The following NOP9 variants were observed in gnomAD, a reference collection of about 807,000 sequenced individuals.
NOP9 encodes the protein nucleolar protein 9.
NOP9 carries 50 observed loss-of-function variants against 63.0 expected under a neutral mutation model. The observed-to-expected ratio is 0.79, with a 90% CI of 0.63 to 1.00. The LOEUF is 1.00. Ranked by LOEUF, NOP9 falls within the 50% of genes least tolerant of loss-of-function variation. The pLI is 0.00. For missense variants in NOP9, 758 were observed against 803.0 expected, an observed-to-expected ratio of 0.94 and a Z score of 0.68; for synonymous variants, 343 against 332.8, an observed-to-expected ratio of 1.03 and a Z score of -0.33.
At chr14:24,297,254 C>G (rs1411207712), upstream of NOP9, among the ~76,000 whole-genome samples, 1 of 152,188 alleles carries the variant, frequency 6.6e-6, no homozygotes, top group Non-Finnish European at 1.5e-5. Context: ...ATCTCTCATG[C>G]CCTTAGCTCC....
chr14:24,296,410 G>A (rs1007572396), upstream of NOP9: 11 of 1,147,096 alleles, frequency 9.6e-6, no homozygotes, highest in African/African-American at 1.4e-4. Context: ...AGAGATGGGG[G>A]AGGCCGGAGG....
intron 2 of NOP9, among the ~76,000 whole-genome samples, chr14:24,301,285 C>A (rs941901216): frequency 1.3e-5 from 2 of 152,062 alleles, no homozygotes; most frequent in African/African-American, 4.8e-5. Context: ...AACTTGATTT[C>A]ATGGTACAGT....
Position 24,307,276 on chromosome 14 carries a change from G to A in NOP9, c.*2181G>A, listed in dbSNP as rs2041540643. ...CCCTCAGAGGGAGGGGCAGCTGTGT[G>A]ACTTCAGCCCTCTGCTCCATCATCA... On this transcript the variant is annotated 3_prime_UTR_variant, in exon 10 of 10. Transcript: ENST00000267425. 7.4e-7 allele frequency: 1 copy of A among 1,355,058 alleles called. No homozygotes were observed. Among genetic ancestry groups the A allele is most frequent in the South Asian group, 1.4e-5 (1 of 73,358 alleles). The allele number at this position is 1,355,058 out of a possible 1,614,324, so 83.9% of individuals were successfully genotyped here.
the NOP9 span, among the ~76,000 whole-genome samples, chr14:24,285,144 C>T: frequency 6.6e-6 from 1 of 152,202 alleles, no homozygotes; most frequent in East Asian, 1.9e-4. Context: ...TACCTCACAA[C>T]CCTTGGGCAG....
rs1236867398 is a variant in NOP9, at chr14:24,300,744, T to C, written c.584T>C (p.Leu195Pro). Residue 195 changes from leucine to proline, a missense_variant, in exon 2 of 10, where the codon CTT becomes CCT. Transcript: ENST00000267425. ...GCCGCTGAGGTGTGTGATGATTTTC[T>C]TGTCTACTGTGGAGACACACATGGC... The part of the protein sequence containing the change: ...GLAAEVCDDF[L>P]VYCGDTHGSF... 3.1e-6 allele frequency: 5 copies of C among 1,614,080 alleles called. No individual in the cohort carries two copies. The African/African-American group carries it at 5.3e-5, about 17-fold the overall frequency.
At chr14:24,299,178 G>T, upstream of NOP9, 2 of 1,516,470 alleles carry the variant, frequency 1.3e-6, no homozygotes, top group Non-Finnish European at 1.8e-6. Flanking sequence ...GACTGTGTGT[G>T]TGTTGGGGCG....
At chr14:24,304,424 T>G (rs899896304) in intron 8 of NOP9, 69 bp from the exon 9 acceptor site, 1 of 1,428,780 alleles carries the variant, frequency 7.0e-7, no homozygotes, top group African/African-American at 1.4e-5. Flanking sequence ...GAAAATTCAC[T>G]CTCCACAAGC....
At position 24,308,430 on chromosome 14, in the gene NOP9, G is replaced by A. The variant is rs998771951; in HGVS notation, c.*3335G>A. On this transcript the variant is annotated 3_prime_UTR_variant, in exon 10 of 10. Coordinates refer to ENST00000267425, the MANE Select transcript of NOP9 (RefSeq NM_174913.3). ...AGGAGAGGATGGATCCTGATACATGGATTCAGGATCATTAGGGTCCTGTCT... is the reference window on the plus strand; with the variant it reads ...AGGAGAGGATGGATCCTGATACATGAATTCAGGATCATTAGGGTCCTGTCT... The A allele has an allele frequency of 1.2e-5, 2 of 160,354 alleles. No individual in the cohort carries two copies. Among genetic ancestry groups the A allele is most frequent in the Non-Finnish European group, 1.4e-5 (1 of 72,030 alleles). 9.9% of individuals were successfully genotyped at this position (160,354 alleles called of 1,614,324 possible).
chr14:24,292,422 C>A, the NOP9 span: 1 of 1,555,612 alleles, frequency 6.4e-7, no homozygotes, highest in Non-Finnish European at 8.7e-7. Flanking sequence ...GCTCCACCCA[C>A]CCTGTCCTTC....
the NOP9 span, chr14:24,291,353 T>C: frequency 1.7e-6 from 2 of 1,144,638 alleles, no homozygotes; most frequent in Non-Finnish European, 2.6e-6. Context: ...TCTTGGGCCT[T>C]GGACTTTTTC....
At chr14:24,301,752 T>G in intron 3 of NOP9, 30 bp downstream of exon 3, 1 of 1,609,264 alleles carries the variant, frequency 6.2e-7, no homozygotes, top group Non-Finnish European at 8.5e-7. Flanking sequence ...GATGGTCTCG[T>G]ATCTACTTGT....
upstream of NOP9, among the ~76,000 whole-genome samples, chr14:24,298,461 G>A (rs770283049): frequency 6.6e-6 from 1 of 152,190 alleles, no homozygotes; most frequent in Non-Finnish European, 1.5e-5. Flanking sequence ...TTTAACTGAA[G>A]TCTAGTAAAT....
At chr14:24,299,733 A>G (rs2041329943), upstream of NOP9, 2 of 514,796 alleles carry the variant, frequency 3.9e-6, no homozygotes, top group Non-Finnish European at 6.8e-6. Flanking sequence ...GTAGAGGGGC[A>G]GAGTCCCAGG....
At chr14:24,304,355 C>T in intron 8 of NOP9, 78 bp downstream of exon 8, 1 of 1,375,904 alleles carries the variant, frequency 7.3e-7, no homozygotes. Flanking sequence ...ACTGTACCTT[C>T]AGACTCAAAA....
chr14:24,307,048 T>C lies in NOP9; in HGVS notation c.*1953T>C, dbSNP rs2041533026. ...TGAGGTTTTGGTAGGTTGAACAACT[T>C]CCCAAGGTTTGACAGGCAGGAAGTG... On this transcript the variant is annotated 3_prime_UTR_variant, in exon 10 of 10. Coordinates refer to ENST00000267425, the MANE Select transcript of NOP9 (RefSeq NM_174913.3). 2 of 288,696 alleles carry C rather than the reference T, an allele frequency of 6.9e-6. No homozygotes were observed. Among genetic ancestry groups the C allele is most frequent in the Admixed American group, 4.7e-5 (1 of 21,352 alleles). 17.9% of individuals were successfully genotyped at this position (288,696 alleles called of 1,614,324 possible).
chr14:24,280,030 C>T, the NOP9 span, among the ~76,000 whole-genome samples: 10 of 152,106 alleles, frequency 6.6e-5, no homozygotes, highest in African/African-American at 2.4e-4. Flanking sequence ...ACTCAGGCCT[C>T]GCCCTTTCCC....
the NOP9 span, among the ~76,000 whole-genome samples, chr14:24,279,761 A>G: frequency 3.3e-5 from 5 of 152,230 alleles, no homozygotes; most frequent in Admixed American, 6.5e-5. Flanking sequence ...GAATGTAGCC[A>G]AGAAGCTCAC....
At chr14:24,303,596 G>GGC in intron 6 of NOP9, 136 bp from the exon 7 acceptor site, 8 of 843,658 alleles carry the variant, frequency 9.5e-6, no homozygotes, top group Non-Finnish European at 1.6e-5. Context: ...GATACAGCAA[G>GGC]GCATGACATC....
the NOP9 span, among the ~76,000 whole-genome samples, chr14:24,287,137 G>A: frequency 6.6e-6 from 1 of 151,990 alleles, no homozygotes; most frequent in Non-Finnish European, 1.5e-5. Context: ...TGACCCACCC[G>A]CCTCTGCCTC....
Sources: allele counts gnomAD v4.1 joint callset (sites outside exome capture counted in the v4.1 genomes callset), GRCh38; gene constraint gnomAD v4.1.1; transcripts MANE v1.5; gene names NCBI Gene and HGNC (gene_info 2026-07-23, HGNC 2026-07-21).